The following DGKI variants were observed in gnomAD, a reference collection of about 807,000 sequenced individuals.
The protein encoded by DGKI is diacylglycerol kinase iota.
Under a neutral mutation model 147.5 loss-of-function variants are expected in DGKI, and 55 were observed. That is an observed-to-expected ratio of 0.37 (90% CI 0.30 to 0.47). The LOEUF (loss-of-function observed/expected upper bound fraction) is 0.47. Among genes scored for constraint, DGKI ranks in the 20% least tolerant of loss-of-function variants. DGKI has a pLI of 1.00. For missense variants in DGKI, 1,007 were observed against 1,323.8 expected (o/e 0.76, Z 3.71); for synonymous variants, 469 against 477.1 (o/e 0.98, Z 0.22).
intron 3 of DGKI, among the ~76,000 whole-genome samples, chr7:137,656,979 G>A (rs1822249398): frequency 6.6e-6 from 1 of 152,118 alleles, no homozygotes; most frequent in South Asian, 2.1e-4. Flanking sequence ...TTGAAAACAG[G>A]CATTCTTTCC....
At position 137,642,987 on chromosome 7, in the gene DGKI, A is replaced by C. The variant is rs927360958; in HGVS notation, c.804+2485T>G. Among the ~76,000 whole-genome samples the C allele has an allele frequency of 2.3e-5, 3 of 130,070 alleles. No individual in the cohort carries two copies. In the Admixed American group the frequency reaches 2.4e-4, roughly 10 times the overall value. 85.3% of individuals were successfully genotyped at this position (130,070 alleles called of 152,430 possible). ...GTGTGTGTGTATGGGGGATGGAGTGAGGTTTAAAAGTCTATGAATATGGGC... is the reference window on the plus strand; with the variant it reads ...GTGTGTGTGTATGGGGGATGGAGTGCGGTTTAAAAGTCTATGAATATGGGC... On this transcript the variant is annotated intron_variant, in intron 6 of 32. Transcript: ENST00000614521.
chr7:137,692,669 C>T (rs1266071249), intron 1 of DGKI, among the ~76,000 whole-genome samples: 2 of 152,130 alleles, frequency 1.3e-5, no homozygotes, highest in Non-Finnish European at 1.5e-5. Context: ...CCACGTGTGT[C>T]TATGAAAGAT....
At chr7:137,647,549 C>T (rs1368477344) in intron 5 of DGKI, among the ~76,000 whole-genome samples, 1 of 152,156 alleles carries the variant, frequency 6.6e-6, no homozygotes, top group Non-Finnish European at 1.5e-5. Flanking sequence ...TAAATATCCA[C>T]CTGGATGGAC....
intron 28 of DGKI, among the ~76,000 whole-genome samples, chr7:137,428,276 T>C (rs1812906571): frequency 6.6e-6 from 1 of 152,074 alleles, no homozygotes; most frequent in South Asian, 2.1e-4. Flanking sequence ...GAATCCAGCA[T>C]ATAAACAGAA....
intron 1 of DGKI, among the ~76,000 whole-genome samples, chr7:137,804,010 C>A (rs1797289761): frequency 6.6e-6 from 1 of 152,230 alleles, no homozygotes; most frequent in Admixed American, 6.5e-5. Context: ...ACTGAGGGAG[C>A]TCCTTTGTGA....
chr7:137,824,675 T>G (rs980565104), intron 1 of DGKI, among the ~76,000 whole-genome samples: 21 of 152,118 alleles, frequency 1.4e-4, no homozygotes, highest in Admixed American at 1.2e-3. Flanking sequence ...TTAAGCCTAG[T>G]GCCCACTATT....
At chr7:137,828,146 T>C (rs976581066) in intron 1 of DGKI, among the ~76,000 whole-genome samples, 2 of 152,224 alleles carry the variant, frequency 1.3e-5, no homozygotes, top group East Asian at 3.8e-4. Flanking sequence ...TAACAGAGAC[T>C]CTTATTTCTC....
At chr7:137,728,587 G>C (rs3778804) in intron 1 of DGKI, among the ~76,000 whole-genome samples, 2 of 151,850 alleles carry the variant, frequency 1.3e-5, no homozygotes, top group Non-Finnish European at 2.9e-5. Flanking sequence ...TCACATAGCC[G>C]GGCCTCTCCA....
chr7:137,704,665 C>A (rs1793954386), intron 1 of DGKI, among the ~76,000 whole-genome samples: 1 of 152,168 alleles, frequency 6.6e-6, no homozygotes, highest in Non-Finnish European at 1.5e-5. Flanking sequence ...ATACATTCAA[C>A]AGGCTCAATA....
At chr7:137,552,639 T>C (rs1818086889) in intron 19 of DGKI, 71 bp from the exon 20 acceptor site, 4 of 1,519,816 alleles carry the variant, frequency 2.6e-6, no homozygotes, top group Non-Finnish European at 2.7e-6. Flanking sequence ...CCAGGCGCTG[T>C]GGCTCATGCC....
chr7:137,664,377 C>CAAAAAAAAAAAAAAAAAAAAAAA (rs1190186766), intron 3 of DGKI, among the ~76,000 whole-genome samples: 4 of 56,022 alleles, frequency 7.1e-5, no homozygotes, highest in African/African-American at 1.1e-4. Flanking sequence ...GACTCCATCT[C>CAAAAAAAAAAAAAAAAAAAAAAA]AAAAAAAAAA....
intron 23 of DGKI, among the ~76,000 whole-genome samples, chr7:137,471,593 C>A (rs1814891067): frequency 1.3e-5 from 2 of 152,056 alleles, no homozygotes; most frequent in Admixed American, 1.3e-4. Flanking sequence ...GGGTGGAACC[C>A]AGCAATGTGT....
chr7:137,814,256 C>G (rs913241389), intron 1 of DGKI, among the ~76,000 whole-genome samples: 1 of 152,158 alleles, frequency 6.6e-6, no homozygotes, highest in African/African-American at 2.4e-5. Context: ...GAGTTAAGAA[C>G]AGCTCCTCTG....
intron 2 of DGKI, 73 bp from the exon 3 acceptor site, chr7:137,678,725 T>C (rs1823126805): frequency 1.2e-5 from 16 of 1,376,846 alleles, no homozygotes; most frequent in South Asian, 7.0e-5. Context: ...AAATTTAGAT[T>C]TGGGATACAA....
chr7:137,710,037 G>A (rs1364179491), intron 1 of DGKI, among the ~76,000 whole-genome samples: 1 of 151,720 alleles, frequency 6.6e-6, no homozygotes, highest in Admixed American at 6.6e-5. Context: ...AGAGAAAAAA[G>A]GTAAATCTAA....
Position 137,828,711 on chromosome 7 carries a change from T to C in DGKI, c.401+17751A>G, listed in dbSNP as rs549784837. Among the ~76,000 whole-genome samples the C allele has an allele frequency of 3.9e-5, 6 of 152,324 alleles. 1 individual carries two copies. In the East Asian group the frequency reaches 1.2e-3, roughly 29 times the overall value. ...CCACACAAACACACACAGATCCTCC[T>C]GGGGCTTTTGCTCTGTCCTTGAAGC... On this transcript the variant is annotated intron_variant, in intron 1 of 32. Coordinates refer to ENST00000614521, the MANE Select transcript of DGKI (RefSeq NM_001321708.2).
rs767812011 is a variant in DGKI at position 137,463,543 on chromosome 7, G to A, written c.2681C>T (p.Ala894Val). Reference protein sequence around the residue: ...MLSDSGLGMIAPYYEDSDLKD... With the variant: ...MLSDSGLGMIVPYYEDSDLKD... ...CAGATCTGAGTCCTCATAATAGGGA[G>A]CTATCATCCCCAGCCCACTGTCACT... Residue 894 changes from alanine to valine, a missense_variant, in exon 27 of 33, where the codon GCT becomes GTT. Ala to Val is a moderately conservative substitution (Grantham distance 64, BLOSUM62 0). This residue lies in a region of DGKI where 385 missense variants were observed against 445.2 expected (regional missense o/e 0.86). Transcript: ENST00000614521. 1.3e-4 allele frequency: 210 copies of A among 1,614,052 alleles called. No individual in the cohort carries two copies. The highest frequency in any genetic ancestry group is 1.7e-4 in the Non-Finnish European group (204 of 1,180,032).
intron 23 of DGKI, among the ~76,000 whole-genome samples, chr7:137,484,123 A>G (rs1278628880): frequency 6.6e-6 from 1 of 152,052 alleles, no homozygotes; most frequent in Non-Finnish European, 1.5e-5. Flanking sequence ...AGAACTCTGG[A>G]AGTGTGGGAT....
intron 19 of DGKI, among the ~76,000 whole-genome samples, chr7:137,562,421 A>G (rs1375460415): frequency 1.3e-5 from 2 of 152,134 alleles, no homozygotes; most frequent in African/African-American, 4.8e-5. Flanking sequence ...CTATAATCCC[A>G]GCTATTCAGG....
Sources: allele counts gnomAD v4.1 joint callset (sites outside exome capture counted in the v4.1 genomes callset), GRCh38; gene constraint gnomAD v4.1.1; regional missense constraint gnomAD v4.1.1; transcripts MANE v1.5; gene names NCBI Gene and HGNC (gene_info 2026-07-23, HGNC 2026-07-21).